Variants in ARHGAP24 observed in about 807,000 individuals in gnomAD.
The protein encoded by ARHGAP24 is rho GTPase-activating protein 24.
A neutral mutation model predicts 76.4 loss-of-function variants in ARHGAP24; 50 were observed. The observed-to-expected ratio is 0.65, with a 90% CI of 0.52 to 0.83. ARHGAP24 has a LOEUF of 0.83. ARHGAP24 is among the 40% of genes least tolerant of loss of function. The probability of loss-of-function intolerance (pLI) is 0.00; values close to 1 mark genes in which losing one functional copy is unlikely to be tolerated. For synonymous variants in ARHGAP24, 345 were observed against 323.3 expected, an observed-to-expected ratio of 1.07 and a Z score of -0.72; for missense variants, 930 against 914.2, an observed-to-expected ratio of 1.02 and a Z score of -0.22.
intron 3 of ARHGAP24, among the ~76,000 whole-genome samples, chr4:85,850,722 T>C (rs1731174233): frequency 1.3e-5 from 2 of 152,202 alleles, no homozygotes. Context: ...TAGTCATTCA[T>C]GAGCAGGTTG....
chr4:85,649,005 G>A (rs1206018315), intron 2 of ARHGAP24, among the ~76,000 whole-genome samples: 2 of 101,550 alleles, frequency 2.0e-5, no homozygotes, highest in East Asian at 3.0e-4. Flanking sequence ...AATTGCATTT[G>A]TAAATATGTG....
chr4:85,547,848 A>G (rs1029414450), intron 1 of ARHGAP24, among the ~76,000 whole-genome samples: 2 of 152,200 alleles, frequency 1.3e-5, no homozygotes, highest in African/African-American at 4.8e-5. Context: ...CACTATTTAA[A>G]TATCTTTTTT....
chr4:85,519,697 A>G (rs185182145), intron 1 of ARHGAP24, among the ~76,000 whole-genome samples: 7 of 152,200 alleles, frequency 4.6e-5, no homozygotes. Context: ...ATCTGAAAAT[A>G]TTCGTTTCTG....
At position 85,506,044 on chromosome 4, in the gene ARHGAP24, A is replaced by G. The variant is rs188759680; in HGVS notation, c.-21+30485A>G. Among the ~76,000 whole-genome samples the G allele has an allele frequency of 5.8e-3, 886 of 152,228 alleles. 8 individuals are homozygous for G. The highest frequency in any genetic ancestry group is 0.02 in the African/African-American group (832 of 41,518). On this transcript the variant is annotated intron_variant, in intron 1 of 9. Coordinates refer to ENST00000395184, the MANE Select transcript of ARHGAP24 (RefSeq NM_001025616.3). ...TCCAGACCCTGTTTGCCTGGGTATC[A>G]TCAGTGGAGGCTGCAGAACAGCAAA... is the stretch of plus-strand genomic sequence containing the variant.
intron 2 of ARHGAP24, among the ~76,000 whole-genome samples, chr4:85,694,715 A>G (rs1723808361): frequency 1.3e-5 from 2 of 152,206 alleles, no homozygotes; most frequent in South Asian, 4.1e-4. Context: ...ACATGTATAC[A>G]TATATTTATT....
chr4:85,512,901 A>G (rs1724337529), intron 1 of ARHGAP24, among the ~76,000 whole-genome samples: 2 of 152,214 alleles, frequency 1.3e-5, no homozygotes, highest in South Asian at 4.1e-4. Flanking sequence ...TCCCACCAAT[A>G]TATTCACACC....
chr4:85,554,630 A>G (rs1052453194), intron 1 of ARHGAP24, among the ~76,000 whole-genome samples: 2 of 151,968 alleles, frequency 1.3e-5, no homozygotes, highest in South Asian at 2.1e-4. Flanking sequence ...TTTCAGCTCT[A>G]TCAGATCAGT....
intron 1 of ARHGAP24, among the ~76,000 whole-genome samples, chr4:85,541,607 T>C (rs983056713): frequency 8.5e-5 from 13 of 152,244 alleles, no homozygotes; most frequent in African/African-American, 3.1e-4. Flanking sequence ...AATCAGTTCC[T>C]TTTCATTGCT....
intron 3 of ARHGAP24, among the ~76,000 whole-genome samples, chr4:85,864,624 TTA>T (rs1732093209): frequency 2.5e-5 from 3 of 118,226 alleles, no homozygotes; most frequent in South Asian, 5.7e-4. Flanking sequence ...TTTTTTTTTT[TTA>T]AATGAATAGA....
At chr4:85,513,731 C>T (rs1724376093) in intron 1 of ARHGAP24, among the ~76,000 whole-genome samples, 1 of 152,138 alleles carries the variant, frequency 6.6e-6, no homozygotes, top group Non-Finnish European at 1.5e-5. Context: ...TCCATTGTAT[C>T]TGATATTTGA....
intron 2 of ARHGAP24, among the ~76,000 whole-genome samples, chr4:85,691,613 A>G (rs1181171644): frequency 6.6e-6 from 1 of 152,004 alleles, no homozygotes; most frequent in Non-Finnish European, 1.5e-5. Flanking sequence ...GTCCTTCTTA[A>G]TTGTTATTGG....
chr4:85,773,860 A>G (rs1341564920), intron 3 of ARHGAP24, among the ~76,000 whole-genome samples: 1 of 152,238 alleles, frequency 6.6e-6, no homozygotes, highest in Non-Finnish European at 1.5e-5. Context: ...GGCCTTGTCC[A>G]CAGAGACAAT....
At chr4:85,960,385 A>G (rs1255246180) in intron 5 of ARHGAP24, among the ~76,000 whole-genome samples, 1 of 152,194 alleles carries the variant, frequency 6.6e-6, no homozygotes, top group Non-Finnish European at 1.5e-5. Flanking sequence ...TGTCTGTGAT[A>G]TCATGGGAAC....
At chr4:85,649,011 ATGTGTGTGTGTGTG>A (rs3028048) in intron 2 of ARHGAP24, among the ~76,000 whole-genome samples, 1 of 147,924 alleles carries the variant, frequency 6.8e-6, no homozygotes, top group Non-Finnish European at 1.5e-5. Context: ...ATTTGTAAAT[ATGTGTGTGTGTGTG>A]TGTGTGTGTG....
rs544820166 is a variant in ARHGAP24 at position 85,895,855 on chromosome 4, C to A, written c.269-27793C>A. Among the ~76,000 whole-genome samples the A allele has an allele frequency of 9.1e-4, 138 of 152,158 alleles. 2 individuals carry two copies. Among genetic ancestry groups the A allele is most frequent in the Middle Eastern group, 6.8e-3 (2 of 294 alleles). Reference sequence around the variant, plus strand: ...CAGTGTTTTGTTTCTAGGCTGCCTACCTGATAATATGGAAATTTAATGCCA... The same window carrying A: ...CAGTGTTTTGTTTCTAGGCTGCCTAACTGATAATATGGAAATTTAATGCCA... On this transcript the variant is annotated intron_variant, in intron 3 of 9. Transcript: ENST00000395184.
chr4:85,827,696 C>A (rs1729789525), intron 3 of ARHGAP24: 1 of 319,940 alleles, frequency 3.1e-6, no homozygotes, highest in South Asian at 2.7e-5. Flanking sequence ...CTTCCCTGTA[C>A]ACTCCTTTTG....
At chr4:85,789,738 T>A (rs1357856000) in intron 3 of ARHGAP24, among the ~76,000 whole-genome samples, 3 of 152,184 alleles carry the variant, frequency 2.0e-5, no homozygotes, top group Non-Finnish European at 4.4e-5. Flanking sequence ...ACCGTTCCAG[T>A]GCATTCACTG....
chr4:85,684,548 A>C (rs573842843), intron 2 of ARHGAP24, among the ~76,000 whole-genome samples: 20 of 152,208 alleles, frequency 1.3e-4, no homozygotes, highest in Admixed American at 6.5e-4. Flanking sequence ...ATTGAGAATT[A>C]TAGGTCTAAT....
At chr4:85,766,631 AC>A (rs1421250027) in intron 3 of ARHGAP24, among the ~76,000 whole-genome samples, 2 of 152,192 alleles carry the variant, frequency 1.3e-5, no homozygotes, top group African/African-American at 4.8e-5. Flanking sequence ...AAGACAGTGA[AC>A]AACAAAACAG....
Sources: gnomAD v4.1 joint callset for allele counts (sites outside exome capture counted in the v4.1 genomes callset) on GRCh38, gnomAD v4.1.1 for gene constraint, MANE v1.5 for transcripts, NCBI Gene and HGNC (gene_info 2026-07-23, HGNC 2026-07-21) for gene names.